Variants in UTRN observed in about 807,000 individuals in gnomAD.
The protein encoded by UTRN is utrophin.
UTRN carries 283 observed loss-of-function variants against 463.9 expected under a neutral mutation model. The observed-to-expected ratio is 0.61, with a 90% CI of 0.55 to 0.67. The LOEUF is 0.67. Among genes scored for constraint, UTRN ranks in the 30% least tolerant of loss-of-function variants. UTRN has a pLI of 0.00. For missense variants in UTRN, 3,922 were observed against 4,084.3 expected, an observed-to-expected ratio of 0.96 and a Z score of 1.08; for synonymous variants, 1,442 against 1,431.5, an observed-to-expected ratio of 1.01 and a Z score of -0.17.
At chr6:144,537,111 T>A (rs1200207069) in intron 43 of UTRN, among the ~76,000 whole-genome samples, 2 of 152,102 alleles carry the variant, frequency 1.3e-5, no homozygotes, top group Non-Finnish European at 1.5e-5. Flanking sequence ...TTCTTTCTGT[T>A]CTATGAATAA....
At chr6:144,492,237 A>C (rs1166891091) in intron 32 of UTRN, among the ~76,000 whole-genome samples, 2 of 152,054 alleles carry the variant, frequency 1.3e-5, no homozygotes. Flanking sequence ...ATGTGTGCCC[A>C]TTGTTTAACT....
intron 52 of UTRN, among the ~76,000 whole-genome samples, chr6:144,697,680 A>G (rs1784163254): frequency 6.6e-6 from 1 of 152,136 alleles, no homozygotes; most frequent in South Asian, 2.1e-4. Context: ...ACATATACCA[A>G]TGTTTTCTTT....
rs1199579909 is a variant in UTRN at position 144,622,184 on chromosome 6, G to GTTTTTTTTTTT, written c.7479+44907_7479+44917dup. ...TAGATGGTATCCATTTTTTTTTGTT[G>GTTTTTTTTTTT]TTTTTTTTTTTTTTTTTTTTTGGAG... On this transcript the variant is annotated intron_variant, in intron 51 of 74. Coordinates refer to ENST00000367545, the MANE Select transcript of UTRN (RefSeq NM_007124.3). Among the ~76,000 whole-genome samples the GTTTTTTTTTTT allele has an allele frequency of 4.6e-4, 41 of 88,208 alleles. 3 individuals are homozygous for GTTTTTTTTTTT. Among genetic ancestry groups the GTTTTTTTTTTT allele is most frequent in the South Asian group, 9.4e-4 (2 of 2,120 alleles). The allele number at this position is 88,208 out of a possible 152,430, so 57.9% of individuals were successfully genotyped here.
chr6:144,460,136 C>G (rs142578077), intron 21 of UTRN, among the ~76,000 whole-genome samples: 5 of 151,328 alleles, frequency 3.3e-5, no homozygotes, highest in African/African-American at 9.7e-5. Flanking sequence ...AAAGTTTTGG[C>G]AGTCTCATAC....
intron 52 of UTRN, among the ~76,000 whole-genome samples, chr6:144,682,648 A>G (rs947039118): frequency 6.6e-6 from 1 of 152,132 alleles, no homozygotes; most frequent in Non-Finnish European, 1.5e-5. Context: ...AGCATTTGTT[A>G]TTGCCTGACT....
intron 19 of UTRN, among the ~76,000 whole-genome samples, chr6:144,455,205 AT>A (rs561662372): frequency 1.3e-5 from 2 of 152,228 alleles, no homozygotes; most frequent in African/African-American, 2.4e-5. Context: ...TGTATTATCA[AT>A]CCATTTATTA....
In UTRN at chr6:144,786,020, A is replaced by T. The variant is rs1257933012; in HGVS notation, c.8835-3174A>T. ...GTAGTGTCATTTGTTCCACTATTCCAAAGATGGTATAATTTTATAAAGTAA... is the reference window on the plus strand; with the variant it reads ...GTAGTGTCATTTGTTCCACTATTCCTAAGATGGTATAATTTTATAAAGTAA... On this transcript the variant is annotated intron_variant, in intron 61 of 74. Transcript: ENST00000367545. Among the ~76,000 whole-genome samples the T allele has an allele frequency of 3.9e-5, 6 of 152,200 alleles. No homozygotes were observed. In the East Asian group the frequency reaches 1.2e-3, roughly 29 times the overall value.
chr6:144,434,208 T>TG (rs1309077198), intron 9 of UTRN, among the ~76,000 whole-genome samples: 4 of 152,104 alleles, frequency 2.6e-5, no homozygotes, highest in African/African-American at 9.7e-5. Flanking sequence ...TCAGGCGTGG[T>TG]GGCGCGCACC....
At chr6:144,664,773 C>T (rs537445213) in intron 51 of UTRN, among the ~76,000 whole-genome samples, 2 of 151,626 alleles carry the variant, frequency 1.3e-5, no homozygotes, top group African/African-American at 2.4e-5. Context: ...TAATTAATGA[C>T]AATTACTATC....
At chr6:144,626,897 T>C (rs1222344126) in intron 51 of UTRN, among the ~76,000 whole-genome samples, 1 of 152,186 alleles carries the variant, frequency 6.6e-6, no homozygotes, top group Non-Finnish European at 1.5e-5. Context: ...TGTTGTGGCT[T>C]TTCTTATACA....
intron 3 of UTRN, among the ~76,000 whole-genome samples, chr6:144,412,401 C>T (rs894240856): frequency 1.3e-5 from 2 of 151,914 alleles, no homozygotes; most frequent in African/African-American, 4.8e-5. Context: ...CTTACTGATG[C>T]ATTATTGATT....
rs374660874 is a variant in UTRN, at chr6:144,642,161, C to T, written c.7480-36245C>T. Among the ~76,000 whole-genome samples the T allele has an allele frequency of 1.8e-4, 28 of 152,204 alleles. 1 individual carries two copies. The South Asian group carries it at 5.6e-3, about 30-fold the overall frequency. On this transcript the variant is annotated intron_variant, in intron 51 of 74. Transcript: ENST00000367545. ...GTCTGAACTTCTCTTTTTATTATGG[C>T]TAATTTTCCTTTAATTTAGACTACT...
chr6:144,782,188 T>C, intron 61 of UTRN, 65 bp downstream of exon 61: 1 of 1,382,832 alleles, frequency 7.2e-7, no homozygotes, highest in Non-Finnish European at 9.7e-7. Context: ...AGAAAATGTC[T>C]GATTTTTAAG....
At chr6:144,688,949 G>A (rs929203811) in intron 52 of UTRN, among the ~76,000 whole-genome samples, 2 of 152,138 alleles carry the variant, frequency 1.3e-5, no homozygotes, top group African/African-American at 2.4e-5. Flanking sequence ...GCAGCTAGGG[G>A]ATCTCTCAGG....
At chr6:144,575,363 C>T (rs1562594880) in intron 50 of UTRN, among the ~76,000 whole-genome samples, 1 of 152,066 alleles carries the variant, frequency 6.6e-6, no homozygotes, top group East Asian at 1.9e-4. Flanking sequence ...GACATTTCTC[C>T]CTCTATGTAT....
At chr6:144,799,812 G>C (rs571016174) in intron 64 of UTRN, among the ~76,000 whole-genome samples, 90 of 152,282 alleles carry the variant, frequency 5.9e-4, no homozygotes, top group South Asian at 5.2e-3. Context: ...AGCCGATTGT[G>C]CAGAGACAAA....
chr6:144,493,188 C>G, intron 32 of UTRN, 113 bp from the exon 33 acceptor site: 1 of 946,346 alleles, frequency 1.1e-6, no homozygotes, highest in South Asian at 2.2e-5. Flanking sequence ...GGCCTTTGAT[C>G]ACCATAGTTA....
chr6:144,558,266 A>G (rs1308883402), intron 50 of UTRN, among the ~76,000 whole-genome samples: 1 of 152,210 alleles, frequency 6.6e-6, no homozygotes, highest in Non-Finnish European at 1.5e-5. Context: ...GAGGGTTATG[A>G]TGGCACAATG....
chr6:144,314,855 G>A (rs1443677887), intron 2 of UTRN, among the ~76,000 whole-genome samples: 2 of 152,140 alleles, frequency 1.3e-5, no homozygotes, highest in African/African-American at 4.8e-5. Flanking sequence ...TATGGTGACT[G>A]CTTTCTCAGT....
Sources: allele counts gnomAD v4.1 joint callset (sites outside exome capture counted in the v4.1 genomes callset), GRCh38; gene constraint gnomAD v4.1.1; transcripts MANE v1.5; gene names NCBI Gene and HGNC (gene_info 2026-07-23, HGNC 2026-07-21).